The following KIAA1217 variants were observed in gnomAD, a reference collection of about 807,000 sequenced individuals.
KIAA1217 encodes KIAA1217.
Under a neutral mutation model 163.9 loss-of-function variants are expected in KIAA1217, and 88 were observed. That is an observed-to-expected ratio of 0.54 (90% CI 0.45 to 0.64). KIAA1217 has a LOEUF of 0.64. Ranked by LOEUF, KIAA1217 falls within the 30% of genes least tolerant of loss-of-function variation. The probability of loss-of-function intolerance (pLI) is 0.00; values close to 1 mark genes in which losing one functional copy is unlikely to be tolerated. For missense variants in KIAA1217, 2,372 were observed against 2,475.0 expected, an observed-to-expected ratio of 0.96 and a Z score of 0.88; for synonymous variants, 903 against 923.1, an observed-to-expected ratio of 0.98 and a Z score of 0.39.
chr10:24,047,901 G>A (rs1421347695), intron 2 of KIAA1217, among the ~76,000 whole-genome samples: 1 of 152,216 alleles, frequency 6.6e-6, no homozygotes, highest in Non-Finnish European at 1.5e-5. Flanking sequence ...GCAATGTCTT[G>A]AAAAGGTGCA....
chr10:24,520,879 A>C (rs2071131724), intron 11 of KIAA1217, among the ~76,000 whole-genome samples: 1 of 148,922 alleles, frequency 6.7e-6, no homozygotes, highest in African/African-American at 2.5e-5. Flanking sequence ...AAAAACAAAA[A>C]ATAAAAAATT....
intron 1 of KIAA1217, among the ~76,000 whole-genome samples, chr10:23,717,249 A>G (rs972544781): frequency 6.6e-6 from 1 of 152,238 alleles, no homozygotes; most frequent in Admixed American, 6.6e-5. Flanking sequence ...TTTTAAATGA[A>G]ATAGGTTGAA....
chr10:24,229,122 A>G (rs758888466), intron 2 of KIAA1217, among the ~76,000 whole-genome samples: 1 of 152,200 alleles, frequency 6.6e-6, no homozygotes, highest in South Asian at 2.1e-4. Context: ...ATATCTGTCT[A>G]TTCAAAATTT....
At chr10:24,070,914 A>ATGAG (rs781071755) in intron 2 of KIAA1217, among the ~76,000 whole-genome samples, 24 of 152,304 alleles carry the variant, frequency 1.6e-4, no homozygotes, top group Admixed American at 7.2e-4. Context: ...GTGGGATGCA[A>ATGAG]TGAGTATTCA....
intron 1 of KIAA1217, among the ~76,000 whole-genome samples, chr10:23,946,295 T>C (rs536671450): frequency 1.4e-5 from 2 of 144,162 alleles, no homozygotes; most frequent in Admixed American, 1.4e-4. Context: ...GTAAAGGAGC[T>C]ATTTGGCATA....
chr10:23,755,271 C>T (rs914214118), intron 1 of KIAA1217, among the ~76,000 whole-genome samples: 8 of 152,164 alleles, frequency 5.3e-5, no homozygotes, highest in African/African-American at 1.9e-4. Flanking sequence ...ATCCTAGGAA[C>T]ATGAATCTGT....
At chr10:24,446,829 T>G (rs1444203740) in intron 5 of KIAA1217, among the ~76,000 whole-genome samples, 1 of 152,142 alleles carries the variant, frequency 6.6e-6, no homozygotes, top group Non-Finnish European at 1.5e-5. Context: ...TTAAGAGAGG[T>G]CAGTGTGCTT....
intron 2 of KIAA1217, among the ~76,000 whole-genome samples, chr10:24,143,747 C>T (rs1221288262): frequency 6.6e-6 from 1 of 151,712 alleles, no homozygotes; most frequent in Non-Finnish European, 1.5e-5. Flanking sequence ...GACAGGGCAG[C>T]CTTATTGACA....
chr10:24,112,733 C>T lies in KIAA1217; in HGVS notation c.-171+105359C>T, dbSNP rs61046705. Among the ~76,000 whole-genome samples the T allele has an allele frequency of 4.6e-3, 704 of 152,010 alleles. 9 individuals are homozygous for T. Among genetic ancestry groups the T allele is most frequent in the African/African-American group, 0.016 (683 of 41,446 alleles). On this transcript the variant is annotated intron_variant, in intron 2 of 18. Coordinates refer to the KIAA1217 transcript ENST00000376462. ...CCAAGTAGCTGGGACTACAGGCGCT[C>T]GCCCCCATGCCCGGCCAATTTTTTT...
At chr10:24,403,810 A>G (rs1277414838) in intron 3 of KIAA1217, among the ~76,000 whole-genome samples, 1 of 152,198 alleles carries the variant, frequency 6.6e-6, no homozygotes, top group Non-Finnish European at 1.5e-5. Context: ...AGGTAGCACT[A>G]CCCATGCATC....
chr10:24,428,791 G>A (rs1275564231), intron 3 of KIAA1217, among the ~76,000 whole-genome samples: 1 of 150,944 alleles, frequency 6.6e-6, no homozygotes, highest in Non-Finnish European at 1.5e-5. Context: ...GTTTGAGGCT[G>A]CAGTGAGCTA....
chr10:23,938,789 A>G (rs368414773), intron 1 of KIAA1217, among the ~76,000 whole-genome samples: 2 of 147,540 alleles, frequency 1.4e-5, no homozygotes, highest in African/African-American at 4.9e-5. Context: ...CCCCTTGGAT[A>G]CCAAGAGATG....
intron 1 of KIAA1217, among the ~76,000 whole-genome samples, chr10:23,833,307 A>G (rs1404895009): frequency 6.6e-6 from 1 of 151,914 alleles, no homozygotes; most frequent in Admixed American, 6.6e-5. Flanking sequence ...TCCCCTCACA[A>G]CTTTCACTGA....
At chr10:24,455,406 G>A (rs1486680473) in intron 5 of KIAA1217, among the ~76,000 whole-genome samples, 1 of 152,142 alleles carries the variant, frequency 6.6e-6, no homozygotes, top group African/African-American at 2.4e-5. Context: ...CTCTACATTT[G>A]CATTAAATTC....
chr10:24,049,005 TG>T (rs1384958575), intron 2 of KIAA1217, among the ~76,000 whole-genome samples: 1 of 121,752 alleles, frequency 8.2e-6, no homozygotes, highest in Non-Finnish European at 1.6e-5. Flanking sequence ...CACTCCAGCC[TG>T]GGCGACAGAG....
chr10:24,493,443 C>T (rs2066399245), intron 6 of KIAA1217, among the ~76,000 whole-genome samples: 1 of 152,232 alleles, frequency 6.6e-6, no homozygotes, highest in African/African-American at 2.4e-5. Flanking sequence ...CATGAGGTGA[C>T]ATGTGAAGCC....
Position 24,166,990 on chromosome 10 carries a change from A to T in KIAA1217, c.-170-52636A>T, listed in dbSNP as rs561377016. On this transcript the variant is annotated intron_variant, in intron 2 of 18. Coordinates refer to the KIAA1217 transcript ENST00000376462. ...TAGCTGGAGAAGAAAGCTGCTTTGG[A>T]AAGGGATGGCAGCGAATAAGTTAAA... Among the ~76,000 whole-genome samples the T allele has an allele frequency of 3.3e-5, 5 of 152,282 alleles. No homozygotes were observed. The South Asian group carries it at 1.0e-3, about 32-fold the overall frequency.
intron 2 of KIAA1217, among the ~76,000 whole-genome samples, chr10:24,074,206 A>G (rs2061288511): frequency 6.6e-6 from 1 of 152,100 alleles, no homozygotes; most frequent in South Asian, 2.1e-4. Context: ...AATATTAGCC[A>G]GGTGTTGTGG....
intron 1 of KIAA1217, among the ~76,000 whole-genome samples, chr10:23,957,539 T>C (rs1236259923): frequency 1.3e-5 from 2 of 152,140 alleles, no homozygotes; most frequent in Non-Finnish European, 2.9e-5. Flanking sequence ...CTGACCACCA[T>C]GGTGAAACCC....
Sources: allele counts gnomAD v4.1 joint callset (sites outside exome capture counted in the v4.1 genomes callset), GRCh38; gene constraint gnomAD v4.1.1; transcripts MANE v1.5; gene names NCBI Gene and HGNC (gene_info 2026-07-23, HGNC 2026-07-21).